TBC1D8: variants seen among roughly 807,000 people sequenced by gnomAD.
The protein encoded by TBC1D8 is TBC1 domain family member 8.
In TBC1D8, 65 loss-of-function variants were observed where a neutral mutation model predicts 118.8. The observed-to-expected ratio is 0.55, with a 90% CI of 0.45 to 0.67. TBC1D8 has a LOEUF of 0.67. Ranked by LOEUF, TBC1D8 falls within the 30% of genes least tolerant of loss-of-function variation. The pLI, the probability that TBC1D8 is intolerant of heterozygous loss-of-function variation, is 0.00. For missense variants in TBC1D8, 1,376 were observed against 1,471.2 expected, an observed-to-expected ratio of 0.94 and a Z score of 1.06; for synonymous variants, 566 against 595.8, an observed-to-expected ratio of 0.95 and a Z score of 0.73.
At chr2:101,022,245 C>T in intron 16 of TBC1D8, 36 bp downstream of exon 16, 1 of 1,612,808 alleles carries the variant, frequency 6.2e-7, no homozygotes, top group Non-Finnish European at 8.5e-7. Context: ...ACCCACACCC[C>T]AAAGCACATC....
In TBC1D8 at chr2:101,036,137, T is replaced by A; in HGVS notation, c.1484A>T (p.Asn495Ile). ...SREQIKISLW[N>I]DHFVEYGRTV... ...TCTGCCGTATTCCACAAAGTGGTCA[T>A]TCCACAGGCTTATTTTTATCTGTTC... The change falls in exon 9 of 20, where the codon AAT becomes ATT. Residue 495 changes from asparagine to isoleucine, a missense_variant. Asn to Ile is a moderately radical substitution (Grantham distance 149). Transcript: ENST00000409318. 1 of 1,614,002 alleles carries A rather than the reference T, an allele frequency of 6.2e-7. No individual in the cohort carries two copies. Among genetic ancestry groups the A allele is most frequent in the Non-Finnish European group, 8.5e-7 (1 of 1,179,878 alleles).
chr2:101,052,974 T>C (rs1389769100), intron 4 of TBC1D8, among the ~76,000 whole-genome samples: 1 of 152,214 alleles, frequency 6.6e-6, no homozygotes, highest in Non-Finnish European at 1.5e-5. Context: ...CTTTCATTCA[T>C]TAAGTATCTC....
chr2:101,147,320 G>T lies in TBC1D8; in HGVS notation c.127+3807C>A, dbSNP rs962205561. Among the ~76,000 whole-genome samples the T allele has an allele frequency of 4.6e-5, 7 of 152,180 alleles. No individual in the cohort carries two copies. The South Asian group carries it at 1.2e-3, about 27-fold the overall frequency. Reference sequence around the variant, plus strand: ...TCAACATACTGATTTCATTTCCTTCGAATATATACCCAGTAGCGGGACGGC... The same window carrying T: ...TCAACATACTGATTTCATTTCCTTCTAATATATACCCAGTAGCGGGACGGC... On this transcript the variant is annotated intron_variant, in intron 1 of 19. Coordinates refer to ENST00000409318, the MANE Select transcript of TBC1D8 (RefSeq NM_001330348.2).
intron 3 of TBC1D8, among the ~76,000 whole-genome samples, chr2:101,059,058 C>T (rs1682605570): frequency 6.6e-6 from 1 of 152,076 alleles, no homozygotes; most frequent in South Asian, 2.1e-4. Context: ...GTGCCCGCCA[C>T]CATGCCCAGC....
chr2:101,032,668 C>G (rs1680741841), intron 10 of TBC1D8: 1 of 349,498 alleles, frequency 2.9e-6, no homozygotes, highest in African/African-American at 2.0e-5. Flanking sequence ...TTAAATCCAG[C>G]TATTCGCTGT....
At chr2:101,021,810 A>T (rs896489481) in intron 16 of TBC1D8, 64 bp from the exon 17 acceptor site, 4 of 1,083,134 alleles carry the variant, frequency 3.7e-6, no homozygotes, top group Non-Finnish European at 5.5e-6. Context: ...CAGGACACAA[A>T]CTCACTGTGG....
chr2:101,056,823 G>A (rs1682466873), intron 3 of TBC1D8, among the ~76,000 whole-genome samples: 1 of 152,120 alleles, frequency 6.6e-6, no homozygotes, highest in Non-Finnish European at 1.5e-5. Flanking sequence ...TCCTTGAAGT[G>A]TGGTTTCTGG....
At chr2:101,103,318 T>TAA (rs201840014) in intron 1 of TBC1D8, among the ~76,000 whole-genome samples, 7 of 126,842 alleles carry the variant, frequency 5.5e-5, no homozygotes, top group Non-Finnish European at 8.3e-5. Flanking sequence ...ATTCATGATT[T>TAA]TAAAAAAAAA....
intron 10 of TBC1D8, chr2:101,033,011 T>G: frequency 4.9e-6 from 1 of 205,814 alleles, no homozygotes; most frequent in Non-Finnish European, 1.0e-5. Flanking sequence ...GGTCTAGAAA[T>G]TCTATTAATG....
chr2:101,027,977 CA>C, intron 14 of TBC1D8, 70 bp downstream of exon 14: 1 of 1,404,058 alleles, frequency 7.1e-7, no homozygotes, highest in Non-Finnish European at 1.0e-6. Context: ...TTCTTATGAC[CA>C]AAAAGGATGC....
intron 17 of TBC1D8, among the ~76,000 whole-genome samples, chr2:101,021,057 C>T (rs139390072): frequency 1.3e-4 from 20 of 152,250 alleles, no homozygotes; most frequent in Non-Finnish European, 2.2e-4. Context: ...CTAGAATCCC[C>T]CTCAGTGCCT....
intron 1 of TBC1D8, among the ~76,000 whole-genome samples, chr2:101,140,101 A>C (rs1480712291): frequency 6.6e-6 from 1 of 152,182 alleles, no homozygotes; most frequent in Non-Finnish European, 1.5e-5. Flanking sequence ...AAAAACTTTC[A>C]TTATTTTTAT....
chr2:101,109,931 CTGCAGGGCCGCCACCTCG>C, intron 1 of TBC1D8: 1 of 985,508 alleles, frequency 1.0e-6, no homozygotes, highest in Non-Finnish European at 1.2e-6. Flanking sequence ...CACTCAAGGG[CTGCAGGGCCGCCACCTCG>C]TGCATCCTGC....
At chr2:101,032,200 A>G in intron 11 of TBC1D8, 68 bp downstream of exon 11, 4 of 1,421,070 alleles carry the variant, frequency 2.8e-6, no homozygotes, top group Non-Finnish European at 3.9e-6. Flanking sequence ...AGGACTGATG[A>G]GAAACATCCT....
intron 1 of TBC1D8, among the ~76,000 whole-genome samples, chr2:101,119,086 G>C (rs919448485): frequency 1.3e-5 from 2 of 152,146 alleles, no homozygotes; most frequent in Non-Finnish European, 2.9e-5. Flanking sequence ...AGGCTACAAA[G>C]TCGTCATACA....
At chr2:101,076,213 A>T (rs1350306377) in intron 2 of TBC1D8, among the ~76,000 whole-genome samples, 2 of 152,204 alleles carry the variant, frequency 1.3e-5, no homozygotes, top group Non-Finnish European at 2.9e-5. Flanking sequence ...CTTTACAGAT[A>T]ACTCAAGCAG....
intron 1 of TBC1D8, among the ~76,000 whole-genome samples, chr2:101,103,649 C>A (rs2105471770): frequency 6.6e-6 from 1 of 152,170 alleles, no homozygotes; most frequent in South Asian, 2.1e-4. Context: ...GCCTTGGCCT[C>A]CCAAAGTGCT....
At chr2:101,122,526 CAGAA>C (rs879857322) in intron 1 of TBC1D8, among the ~76,000 whole-genome samples, 9 of 150,624 alleles carry the variant, frequency 6.0e-5, no homozygotes, top group African/African-American at 2.2e-4. Context: ...AAAATCATGA[CAGAA>C]AGCATCATTA....
chr2:101,066,731 G>A (rs576242286), intron 2 of TBC1D8, among the ~76,000 whole-genome samples: 1 of 152,210 alleles, frequency 6.6e-6, no homozygotes, highest in South Asian at 2.1e-4. Flanking sequence ...CAGATCACAA[G>A]GTCAGGAGTT....
Sources: allele counts gnomAD v4.1 joint callset (sites outside exome capture counted in the v4.1 genomes callset), GRCh38; gene constraint gnomAD v4.1.1; transcripts MANE v1.5; gene names NCBI Gene and HGNC (gene_info 2026-07-23, HGNC 2026-07-21).